DUXB: variants seen among roughly 807,000 people sequenced by gnomAD.
DUXB encodes the protein double homeobox B.
In DUXB, 22 loss-of-function variants were observed where a neutral mutation model predicts 8.9. That is an observed-to-expected ratio of 2.46 (90% CI 1.76 to 3.52). The LOEUF (loss-of-function observed/expected upper bound fraction) is 3.52, where lower values mean the gene tolerates loss of function less well. DUXB is among the 30% of genes most tolerant of loss of function. DUXB has a pLI of 0.00. For missense variants in DUXB, 237 were observed against 108.7 expected, an observed-to-expected ratio of 2.18 and a Z score of -5.25; for synonymous variants, 84 against 37.6, an observed-to-expected ratio of 2.23 and a Z score of -4.52.
At chr16:75,700,912 C>T (rs1313125088) in intron 1 of DUXB, among the ~76,000 whole-genome samples, 1 of 151,870 alleles carries the variant, frequency 6.6e-6, no homozygotes, top group Non-Finnish European at 1.5e-5. Flanking sequence ...TAATCAATGA[C>T]CTAAGTTTCC....
At chr16:75,694,846 A>G (rs2082592625) in intron 4 of DUXB, among the ~76,000 whole-genome samples, 1 of 152,232 alleles carries the variant, frequency 6.6e-6, no homozygotes, top group Non-Finnish European at 1.5e-5. Flanking sequence ...TTTAAAATAC[A>G]TGAGATGTGC....
At chr16:75,699,243 G>A (rs8182178) in intron 2 of DUXB, among the ~76,000 whole-genome samples, 89,904 of 152,120 alleles carry the variant, frequency 0.59, 30,119 homozygotes, top group East Asian at 0.96. Context: ...TATTTCAAAC[G>A]CTATGTGTAT....
chr16:75,695,600 T>G (rs375118675), intron 4 of DUXB, among the ~76,000 whole-genome samples: 12 of 152,294 alleles, frequency 7.9e-5, no homozygotes, highest in African/African-American at 2.9e-4. Context: ...GGGCAGTTGC[T>G]TTACTGGTAT....
chr16:75,697,680 A>G (rs562359446), intron 2 of DUXB, among the ~76,000 whole-genome samples: 89 of 152,320 alleles, frequency 5.8e-4, no homozygotes, highest in African/African-American at 2.1e-3. Flanking sequence ...CTCTTATATC[A>G]TAGGCATTGT....
Position 75,694,186 on chromosome 16 carries a change from T to A in DUXB, c.781A>T (p.Thr261Ser). 2.0e-6 allele frequency: 1 copy of A among 499,362 alleles called. No homozygotes were observed. The highest frequency in any genetic ancestry group is 3.5e-6 in the Non-Finnish European group (1 of 286,934). The allele number at this position is 499,362 out of a possible 1,614,324, so 30.9% of individuals were successfully genotyped here. A position where few individuals can be genotyped will look rare whatever the true frequency, so the allele number is the denominator to read the frequency against. Residue 261 changes from threonine to serine, a missense_variant, in exon 5 of 5, where the codon ACA becomes TCA. Coordinates refer to ENST00000633875, the MANE Select transcript of DUXB (RefSeq NM_001351307.2). ...QPLIIPNHLL[T>S]LPILTKDLDT... ...AAGTCCTTTGTCAGAATTGGCAGTG[T>A]CAGGAGGTGATTCGGAATTATCAGA...
At position 75,695,959 on chromosome 16, in the gene DUXB, A is replaced by T. The variant is rs953044955; in HGVS notation, c.441+2T>A. 6 of 702,854 alleles carry T rather than the reference A, an allele frequency of 8.5e-6. No homozygotes were observed. Among genetic ancestry groups the T allele is most frequent in the Non-Finnish European group, 1.3e-5 (5 of 385,016 alleles). 43.5% of individuals were successfully genotyped at this position (702,854 alleles called of 1,614,324 possible). A position where few individuals can be genotyped will look rare whatever the true frequency, so the allele number is the denominator to read the frequency against. On this transcript the variant is annotated splice_donor_variant, in intron 4 of 4. Coordinates refer to ENST00000633875, the MANE Select transcript of DUXB (RefSeq NM_001351307.2). LOFTEE classifies it high-confidence loss of function. ...AGTTGGGATCACACACATAGAACTT[A>T]CTTGAATTCTTGATTCCTGCAGGCC... is the stretch of plus-strand genomic sequence containing the variant.
chr16:75,696,108 T>A lies in DUXB; in HGVS notation c.294A>T (p.Leu98Phe), dbSNP rs58843772. The change falls in exon 4 of 5, where the codon TTA becomes TTT. Residue 98 changes from leucine (L) to phenylalanine (F), a missense_variant. Physicochemically the swap from Leu to Phe is conservative, Grantham distance 22. Transcript: ENST00000633875. ...DQSQHLTQEY[L>F]PKEARQKQTF... ...TCTGTTTTTGTCGGGCTTCTTTAGG[T>A]AAGTATTCTAAAGGAGAACACAGAA... The A allele has an allele frequency of 8.9e-3, 6,214 of 701,100 alleles. 216 individuals carry two copies. The highest frequency in any genetic ancestry group is 0.082 in the African/African-American group (4,640 of 56,308). 43.4% of individuals were successfully genotyped at this position (701,100 alleles called of 1,614,324 possible). A position where few individuals can be genotyped will look rare whatever the true frequency, so the allele number is the denominator to read the frequency against.
chr16:75,700,209 A>C (rs1567523269), intron 1 of DUXB, 40 bp from the exon 2 acceptor site: 12 of 672,000 alleles, frequency 1.8e-5, no homozygotes, highest in Non-Finnish European at 2.9e-5. Flanking sequence ...TGAATAATAT[A>C]TTTATGGGTT....
chr16:75,697,393 G>C (rs935281138), intron 2 of DUXB, among the ~76,000 whole-genome samples: 1 of 152,140 alleles, frequency 6.6e-6, no homozygotes, highest in Non-Finnish European at 1.5e-5. Flanking sequence ...AGCAGAATTA[G>C]CCACAGTAAA....
rs141435058 is a variant in DUXB at position 75,694,932 on chromosome 16, G to A, written c.442-407C>T. Among the ~76,000 whole-genome samples the A allele has an allele frequency of 5.3e-4, 81 of 152,232 alleles. 1 individual carries two copies. The highest frequency in any genetic ancestry group is 1.0e-3 in the Non-Finnish European group (70 of 67,998). On this transcript the variant is annotated intron_variant, in intron 4 of 4. Transcript: ENST00000633875. The stretch of plus-strand genomic sequence containing the variant: ...CTTGGAGTTTGGTATTCAGGAGAAG[G>A]TCCTGGAACCAATCCCTCATGGATA...
intron 4 of DUXB, 132 bp downstream of exon 4, chr16:75,695,829 A>G: frequency 1.7e-6 from 1 of 604,460 alleles, no homozygotes; most frequent in East Asian, 2.8e-5. Context: ...TTTCAGTGCC[A>G]GGCGTTTACC....
In DUXB at chr16:75,694,425, A is replaced by G. The variant is rs1447675616; in HGVS notation, c.542T>C (p.Val181Ala). ...GAACAGGTTGATTGGATGCCACCCA[A>G]CAGTTGCATCTGGTCTCTCATTTGG... ...DDPNERPDATVGWHPINLFLP... is the reference protein window; with the variant it reads ...DDPNERPDATAGWHPINLFLP... Residue 181 changes from valine (V) to alanine (A), a missense_variant, in exon 5 of 5, where the codon GTT becomes GCT. Val to Ala is a moderately conservative substitution (Grantham distance 64). Coordinates refer to ENST00000633875, the MANE Select transcript of DUXB (RefSeq NM_001351307.2). 5.7e-6 allele frequency: 4 copies of G among 701,630 alleles called. No homozygotes were observed. Among genetic ancestry groups the G allele is most frequent in the South Asian group, 3.0e-5 (2 of 67,258 alleles). 43.5% of individuals were successfully genotyped at this position (701,630 alleles called of 1,614,324 possible).
At chr16:75,694,660 A>T in intron 4 of DUXB, 135 bp from the exon 5 acceptor site, 1 of 613,864 alleles carries the variant, frequency 1.6e-6, no homozygotes, top group South Asian at 2.0e-5. Flanking sequence ...GGCTCTCTGA[A>T]TCCATGGGTT....
intron 3 of DUXB, among the ~76,000 whole-genome samples, chr16:75,696,354 C>G (rs936286851): frequency 6.6e-6 from 1 of 152,122 alleles, no homozygotes; most frequent in Non-Finnish European, 1.5e-5. Context: ...GAGTTCGAGG[C>G]CAGCCTGGCC....
chr16:75,700,147 C>T lies in DUXB; in HGVS notation c.48G>A (p.Trp16Ter), dbSNP rs886327036. 1 of 701,660 alleles carries T rather than the reference C, an allele frequency of 1.4e-6. No homozygotes were observed. Among genetic ancestry groups the T allele is most frequent in the Non-Finnish European group, 2.6e-6 (1 of 384,490 alleles). The allele number at this position is 701,660 out of a possible 1,614,324, so 43.5% of individuals were successfully genotyped here. A position where few individuals can be genotyped will look rare whatever the true frequency, so the allele number is the denominator to read the frequency against. Residue 16 changes from tryptophan to a stop codon, truncating the protein, a stop_gained, in exon 2 of 5, where the codon TGG (tryptophan) becomes TGA (stop). Transcript: ENST00000633875. LOFTEE classifies it high-confidence loss of function. ...TSGGILQKEF[W>*]RNRIQYNQSQ... is the part of the protein sequence containing the mutation. ...TCTGGTTATACTGAATTCTGTTTCT[C>T]CAGAATTCTTTTTGAAGTATGCCTG...
intron 1 of DUXB, among the ~76,000 whole-genome samples, chr16:75,700,728 C>T (rs1024116020): frequency 1.3e-5 from 2 of 151,944 alleles, no homozygotes; most frequent in East Asian, 1.9e-4. Flanking sequence ...AGGATGGTCT[C>T]GATCTCCTGA....
intron 1 of DUXB, 130 bp downstream of exon 1, chr16:75,701,264 G>A (rs1597213016): frequency 1.3e-5 from 5 of 396,998 alleles, no homozygotes; most frequent in Admixed American, 4.4e-5. Context: ...ATTTATCAGC[G>A]AAAAACAGCT....
At chr16:75,696,550 C>G (rs2082608963) in intron 3 of DUXB, among the ~76,000 whole-genome samples, 1 of 151,952 alleles carries the variant, frequency 6.6e-6, no homozygotes, top group Admixed American at 6.6e-5. Flanking sequence ...CATCTCAAAA[C>G]AAAATACAAA....
In DUXB at chr16:75,699,183, G is replaced by C. The variant is rs767768221; in HGVS notation, c.180+832C>G. Among the ~76,000 whole-genome samples the C allele has an allele frequency of 2.5e-4, 38 of 152,002 alleles. 1 individual carries two copies. The highest frequency in any genetic ancestry group is 2.6e-4 in the Admixed American group (4 of 15,266). On this transcript the variant is annotated intron_variant, in intron 2 of 4. Transcript: ENST00000633875. ...TGATAACTGGAGAGATTTAACTTAAGTTTCATTTTATGTCAGTTATTCTAT... is the reference window on the plus strand; with the variant it reads ...TGATAACTGGAGAGATTTAACTTAACTTTCATTTTATGTCAGTTATTCTAT...
Sources: allele counts gnomAD v4.1 joint callset (sites outside exome capture counted in the v4.1 genomes callset), GRCh38; gene constraint gnomAD v4.1.1; transcripts MANE v1.5; gene names NCBI Gene and HGNC (gene_info 2026-07-23, HGNC 2026-07-21).